Variants in SUPT3H observed in about 807,000 individuals in gnomAD.
SUPT3H encodes transcription initiation protein SPT3 homolog.
SUPT3H carries 44 observed loss-of-function variants against 44.3 expected under a neutral mutation model. The ratio of observed to expected loss-of-function variants is 0.99; its 90% confidence interval spans 0.78 to 1.28. The LOEUF (loss-of-function observed/expected upper bound fraction) is 1.28, where lower values mean the gene tolerates loss of function less well. Ranked by LOEUF, SUPT3H falls within the 50% of genes most tolerant of loss-of-function variation. SUPT3H has a pLI of 0.00. For missense variants in SUPT3H, 380 were observed against 387.1 expected (o/e 0.98, Z 0.15); for synonymous variants, 124 against 125.6 (o/e 0.99, Z 0.09).
intron 2 of SUPT3H, among the ~76,000 whole-genome samples, chr6:45,189,706 T>A (rs1422810660): frequency 6.6e-6 from 1 of 152,186 alleles, no homozygotes. Flanking sequence ...CAACACTCTT[T>A]CCAGTAAAAT....
intron 2 of SUPT3H, among the ~76,000 whole-genome samples, chr6:45,137,233 C>A (rs1215624458): frequency 6.6e-6 from 1 of 151,856 alleles, no homozygotes; most frequent in Non-Finnish European, 1.5e-5. Flanking sequence ...TGCTAGAGGA[C>A]CTACCTTGTA....
At chr6:45,043,597 T>C (rs910488206) in intron 3 of SUPT3H, among the ~76,000 whole-genome samples, 5 of 152,044 alleles carry the variant, frequency 3.3e-5, no homozygotes, top group South Asian at 2.1e-4. Context: ...CTTTTTAGAA[T>C]TGGAAATGAA....
At chr6:45,044,557 A>G (rs1453951854) in intron 3 of SUPT3H, among the ~76,000 whole-genome samples, 2 of 152,190 alleles carry the variant, frequency 1.3e-5, no homozygotes, top group Non-Finnish European at 2.9e-5. Flanking sequence ...GACAGTCAAT[A>G]TATTACTTAT....
At chr6:45,173,686 G>C (rs985631888) in intron 2 of SUPT3H, among the ~76,000 whole-genome samples, 1 of 152,136 alleles carries the variant, frequency 6.6e-6, no homozygotes, top group African/African-American at 2.4e-5. Flanking sequence ...TTGGAATCTT[G>C]GTGTTGGGGA....
intron 5 of SUPT3H, among the ~76,000 whole-genome samples, chr6:45,007,223 G>C (rs1436755226): frequency 6.6e-6 from 1 of 152,020 alleles, no homozygotes; most frequent in Admixed American, 6.6e-5. Flanking sequence ...GCTTTTGTAA[G>C]ATTTTCTCAT....
chr6:45,128,523 AAAAAAAAAAAATATATATATAT>A lies in SUPT3H; in HGVS notation c.102-22539_102-22518del, dbSNP rs1360193177. ...TGTCTCAAAAAAAAAAAAAAAAAAA[AAAAAAAAAAAATATATATATAT>A]ATATATATATATACACACACACACA... On this transcript the variant is annotated intron_variant, in intron 2 of 10. Coordinates refer to ENST00000371459, the MANE Select transcript of SUPT3H (RefSeq NM_003599.4). 3.5e-3 allele frequency among the ~76,000 whole-genome samples: 204 copies of A among 57,792 alleles called. 6 individuals are homozygous for A. In the East Asian group the frequency reaches 0.058, roughly 16 times the overall value. The allele number at this position is 57,792 out of a possible 152,430, so 37.9% of individuals were successfully genotyped here. A position where few individuals can be genotyped will look rare whatever the true frequency, so the allele number is the denominator to read the frequency against.
intron 3 of SUPT3H, among the ~76,000 whole-genome samples, chr6:45,093,203 GATAA>G (rs1797369004): frequency 1.3e-5 from 2 of 151,948 alleles, no homozygotes; most frequent in Admixed American, 6.6e-5. Flanking sequence ...ACTGAGATCT[GATAA>G]ATAAATAAAA....
intron 2 of SUPT3H, among the ~76,000 whole-genome samples, chr6:45,131,643 C>CAGATT (rs1421487927): frequency 6.6e-6 from 1 of 152,122 alleles, no homozygotes. Context: ...AAAAGATATT[C>CAGATT]AGATTGACGG....
Position 45,093,442 on chromosome 6 carries a change from T to C in SUPT3H, c.186+12480A>G, listed in dbSNP as rs114549648. 2.6e-3 allele frequency among the ~76,000 whole-genome samples: 391 copies of C among 152,046 alleles called. 3 individuals carry two copies. Among genetic ancestry groups the C allele is most frequent in the African/African-American group, 8.6e-3 (357 of 41,462 alleles). On this transcript the variant is annotated intron_variant, in intron 3 of 10. Transcript: ENST00000371459. ...GCAGAAACTTAACACTAATCAAGAGTAATAGCAGCAATGGGGAAAGAAGAT... is the reference window on the plus strand; with the variant it reads ...GCAGAAACTTAACACTAATCAAGAGCAATAGCAGCAATGGGGAAAGAAGAT...
chr6:45,063,251 C>T (rs1303327933), intron 3 of SUPT3H, among the ~76,000 whole-genome samples: 2 of 145,868 alleles, frequency 1.4e-5, no homozygotes, highest in Non-Finnish European at 3.0e-5. Context: ...GCTGAGGGTC[C>T]TGTCTGTTAG....
intron 3 of SUPT3H, among the ~76,000 whole-genome samples, chr6:45,070,611 C>T (rs1445583801): frequency 4.0e-5 from 6 of 151,754 alleles, no homozygotes; most frequent in East Asian, 3.9e-4. Context: ...CATGGCAGCA[C>T]GCGCCTGTAA....
At chr6:45,191,324 A>G (rs1315918099) in intron 2 of SUPT3H, among the ~76,000 whole-genome samples, 1 of 152,152 alleles carries the variant, frequency 6.6e-6, no homozygotes, top group African/African-American at 2.4e-5. Flanking sequence ...AAAAGGCTAC[A>G]TCATATATGA....
At chr6:45,344,362 G>A (rs1402919793) in intron 2 of SUPT3H, among the ~76,000 whole-genome samples, 1 of 151,818 alleles carries the variant, frequency 6.6e-6, no homozygotes, top group Non-Finnish European at 1.5e-5. Flanking sequence ...CCTTAAAACT[G>A]ACTTGCCCTT....
intron 2 of SUPT3H, among the ~76,000 whole-genome samples, chr6:45,221,203 T>C (rs1376414721): frequency 6.6e-6 from 1 of 151,970 alleles, no homozygotes; most frequent in Non-Finnish European, 1.5e-5. Flanking sequence ...GTGGGAAACA[T>C]CATACACCAG....
intron 3 of SUPT3H, among the ~76,000 whole-genome samples, chr6:45,078,664 G>T (rs1213300582): frequency 1.3e-5 from 2 of 152,116 alleles, no homozygotes; most frequent in Non-Finnish European, 2.9e-5. Context: ...ATTTCGAAAG[G>T]AGAGCTTTGT....
intron 3 of SUPT3H, among the ~76,000 whole-genome samples, chr6:45,077,577 T>C (rs1434440112): frequency 2.5e-5 from 3 of 120,340 alleles, no homozygotes; most frequent in Non-Finnish European, 4.8e-5. Flanking sequence ...CAGTGAGCCA[T>C]AATCGTGCCA....
At chr6:45,137,317 A>C (rs180821140) in intron 2 of SUPT3H, among the ~76,000 whole-genome samples, 1 of 152,194 alleles carries the variant, frequency 6.6e-6, no homozygotes, top group East Asian at 1.9e-4. Flanking sequence ...TCAAGCAAAA[A>C]GAAAAAAAGA....
In SUPT3H at chr6:45,004,073, G is replaced by A. The variant is rs1782376404; in HGVS notation, c.365-281C>T. Among the ~76,000 whole-genome samples, 7 of 152,114 alleles carry A rather than the reference G, an allele frequency of 4.6e-5. No homozygotes were observed. The South Asian group carries it at 1.4e-3, about 32-fold the overall frequency. On this transcript the variant is annotated intron_variant, in intron 5 of 10. Transcript: ENST00000371459. The stretch of plus-strand genomic sequence containing the variant: ...TCCCTTATAAAAAGGAGAGAGTGGT[G>A]TGCTCAGATTTGGAAAAAGAATACT...
intron 3 of SUPT3H, among the ~76,000 whole-genome samples, chr6:45,062,591 C>T (rs866516219): frequency 3.0e-3 from 440 of 148,090 alleles, no homozygotes; most frequent in African/African-American, 8.7e-3. Flanking sequence ...TGGGCGCAGG[C>T]CAGTGGGTGC....
Sources: allele counts gnomAD v4.1 joint callset (sites outside exome capture counted in the v4.1 genomes callset), GRCh38; gene constraint gnomAD v4.1.1; transcripts MANE v1.5; gene names NCBI Gene and HGNC (gene_info 2026-07-23, HGNC 2026-07-21).